The following CNTN4 variants were observed in gnomAD, a reference collection of about 807,000 sequenced individuals.
The protein encoded by CNTN4 is contactin 4.
Under a neutral mutation model 122.5 loss-of-function variants are expected in CNTN4, and 77 were observed. The observed-to-expected ratio is 0.63, with a 90% CI of 0.52 to 0.76. The LOEUF (loss-of-function observed/expected upper bound fraction) is 0.76. Among genes scored for constraint, CNTN4 ranks in the 30% least tolerant of loss-of-function variants. CNTN4 has a pLI of 0.00. For synonymous variants in CNTN4, 512 were observed against 447.0 expected (o/e 1.15, Z -1.83); for missense variants, 1,256 against 1,259.1 (o/e 1.00, Z 0.04).
At chr3:2,178,185 G>T (rs755466754) in intron 2 of CNTN4, among the ~76,000 whole-genome samples, 3 of 152,036 alleles carry the variant, frequency 2.0e-5, no homozygotes, top group Non-Finnish European at 2.9e-5. Context: ...TGAGAGCTTT[G>T]AGCTTCTCAA....
At chr3:2,848,073 C>A (rs539809901) in intron 7 of CNTN4, among the ~76,000 whole-genome samples, 13 of 152,024 alleles carry the variant, frequency 8.6e-5, no homozygotes, top group African/African-American at 1.2e-4. Context: ...CATAGCAAGA[C>A]CTCGTCTCTA....
intron 14 of CNTN4, among the ~76,000 whole-genome samples, chr3:2,989,677 A>G (rs1694889760): frequency 6.6e-6 from 1 of 152,198 alleles, no homozygotes; most frequent in African/African-American, 2.4e-5. Flanking sequence ...ATTTCAGTCT[A>G]TTAATTACTT....
intron 2 of CNTN4, among the ~76,000 whole-genome samples, chr3:2,211,587 T>C (rs2038619705): frequency 6.6e-6 from 1 of 152,236 alleles, no homozygotes; most frequent in African/African-American, 2.4e-5. Context: ...CTAAAACCTG[T>C]ATGATAACAC....
At chr3:2,882,208 C>T (rs1348391439) in intron 8 of CNTN4, among the ~76,000 whole-genome samples, 1 of 151,682 alleles carries the variant, frequency 6.6e-6, no homozygotes. Flanking sequence ...ACTAAAAATA[C>T]AAAAAAATTA....
intron 8 of CNTN4, among the ~76,000 whole-genome samples, chr3:2,881,515 G>GAAAAA (rs1245876383): frequency 9.3e-6 from 1 of 107,742 alleles, no homozygotes; most frequent in Non-Finnish European, 1.9e-5. Flanking sequence ...TCAGTCTCAA[G>GAAAAA]AAAAAAAAAA....
chr3:2,400,870 T>G (rs2046832592), intron 3 of CNTN4, among the ~76,000 whole-genome samples: 1 of 151,614 alleles, frequency 6.6e-6, no homozygotes, highest in Admixed American at 6.6e-5. Flanking sequence ...TTACTATATA[T>G]AAGTATATTA....
intron 2 of CNTN4, among the ~76,000 whole-genome samples, chr3:2,202,127 C>A (rs1046853770): frequency 6.6e-5 from 10 of 152,058 alleles, no homozygotes. Context: ...TATGACACCC[C>A]CTCCCCACCA....
At chr3:2,762,330 C>T (rs995159191) in intron 6 of CNTN4, among the ~76,000 whole-genome samples, 13 of 152,134 alleles carry the variant, frequency 8.5e-5, no homozygotes, top group African/African-American at 2.9e-4. Flanking sequence ...GCATAGTACC[C>T]ATTAGTTATT....
At chr3:2,511,526 G>A (rs560105472) in intron 3 of CNTN4, 1 of 152,404 alleles carries the variant, frequency 6.6e-6, no homozygotes, top group South Asian at 2.1e-4. Flanking sequence ...AGCATCTCTA[G>A]TCCCAGCTGA....
chr3:2,228,869 A>G (rs62247014), intron 2 of CNTN4, among the ~76,000 whole-genome samples: 30,048 of 152,074 alleles, frequency 0.2, 3,500 homozygotes, highest in South Asian at 0.38. Context: ...TTATTCTAGA[A>G]TATGGAAATT....
intron 3 of CNTN4, among the ~76,000 whole-genome samples, chr3:2,514,589 C>T (rs1454115905): frequency 1.3e-5 from 2 of 152,038 alleles, no homozygotes; most frequent in East Asian, 3.9e-4. Flanking sequence ...GTATACACTC[C>T]ATTGGTTATC....
chr3:2,568,317 G>A (rs1358252888), intron 3 of CNTN4, among the ~76,000 whole-genome samples: 87 of 70,972 alleles, frequency 1.2e-3, no homozygotes, highest in Admixed American at 2.4e-3. Flanking sequence ...GCAAGAATGT[G>A]AAAAAAAAAA....
chr3:2,520,435 G>A (rs2149138996), intron 3 of CNTN4, among the ~76,000 whole-genome samples: 1 of 151,844 alleles, frequency 6.6e-6, no homozygotes, highest in East Asian at 1.9e-4. Context: ...ACCACACGCT[G>A]CTAATTGTTG....
chr3:2,773,173 A>C (rs1014439894), intron 6 of CNTN4, among the ~76,000 whole-genome samples: 1 of 152,090 alleles, frequency 6.6e-6, no homozygotes, highest in Non-Finnish European at 1.5e-5. Flanking sequence ...TAGAGAAAGC[A>C]AGGGTATACC....
chr3:2,490,524 CA>C (rs35018092), intron 3 of CNTN4, among the ~76,000 whole-genome samples: 50,652 of 151,982 alleles, frequency 0.33, 9,551 homozygotes, highest in Admixed American at 0.45. Flanking sequence ...TAAAGTTGTT[CA>C]AAAATGCATG....
At chr3:2,657,113 G>A (rs978712027) in intron 4 of CNTN4, among the ~76,000 whole-genome samples, 2 of 152,128 alleles carry the variant, frequency 1.3e-5, no homozygotes, top group Non-Finnish European at 2.9e-5. Flanking sequence ...AAATAAATAC[G>A]TAGGTTAATG....
chr3:2,199,845 C>A (rs768045262), intron 2 of CNTN4, among the ~76,000 whole-genome samples: 1 of 152,012 alleles, frequency 6.6e-6, no homozygotes, highest in Non-Finnish European at 1.5e-5. Context: ...AAGAAACCAC[C>A]AATGAAGGTT....
chr3:2,299,907 G>T (rs530470458), intron 2 of CNTN4, among the ~76,000 whole-genome samples: 1 of 151,992 alleles, frequency 6.6e-6, no homozygotes, highest in Non-Finnish European at 1.5e-5. Context: ...AGCGTTTACC[G>T]CATTAAAATA....
At chr3:2,442,963 C>T (rs2048491257) in intron 3 of CNTN4, among the ~76,000 whole-genome samples, 1 of 151,878 alleles carries the variant, frequency 6.6e-6, no homozygotes, top group African/African-American at 2.4e-5. Flanking sequence ...AAGTAATTTA[C>T]ATAAAATAGT....
Sources: allele counts gnomAD v4.1 joint callset (sites outside exome capture counted in the v4.1 genomes callset), GRCh38; gene constraint gnomAD v4.1.1; transcripts MANE v1.5; gene names NCBI Gene and HGNC (gene_info 2026-07-23, HGNC 2026-07-21).